Variants in U2AF2 observed in about 807,000 individuals in gnomAD.
U2AF2 encodes splicing factor U2AF 65 kDa subunit.
Under a neutral mutation model 52.6 loss-of-function variants are expected in U2AF2, and 6 were observed. The ratio of observed to expected loss-of-function variants is 0.11; its 90% CI spans 0.06 to 0.23. The LOEUF (loss-of-function observed/expected upper bound fraction) is 0.23. Among genes scored for constraint, U2AF2 ranks in the 10% least tolerant of loss-of-function variants. The probability of loss-of-function intolerance (pLI) is 1.00; values close to 1 mark genes in which losing one functional copy is unlikely to be tolerated. For synonymous variants in U2AF2, 284 were observed against 258.2 expected (o/e 1.10, Z -0.96); for missense variants, 222 against 677.1 (o/e 0.33, Z 7.46).
At chr19:55,663,075 G>A (rs943657843) in intron 6 of U2AF2, among the ~76,000 whole-genome samples, 1 of 151,920 alleles carries the variant, frequency 6.6e-6, no homozygotes, top group Non-Finnish European at 1.5e-5. Flanking sequence ...TTTGATTTTC[G>A]ACTCTTGGTG....
chr19:55,672,592 C>T (rs904698049), intron 11 of U2AF2, among the ~76,000 whole-genome samples: 3 of 152,180 alleles, frequency 2.0e-5, no homozygotes, highest in African/African-American at 7.2e-5. Flanking sequence ...CACCCCCCCT[C>T]CTCCAGTTGA....
chr19:55,669,904 C>G (rs1305301561), intron 11 of U2AF2, among the ~76,000 whole-genome samples: 1 of 152,132 alleles, frequency 6.6e-6, no homozygotes, highest in East Asian at 1.9e-4. Flanking sequence ...GTTGGTGACC[C>G]TGAGGGGTTT....
At chr19:55,672,617 A>G (rs1984990848) in intron 11 of U2AF2, among the ~76,000 whole-genome samples, 1 of 152,134 alleles carries the variant, frequency 6.6e-6, no homozygotes, top group Non-Finnish European at 1.5e-5. Context: ...CACTGCTCTA[A>G]CCAGATAACC....
rs367695916 is a variant in U2AF2, at chr19:55,663,589, C to T, written c.604-17C>T. 97 of 1,612,036 alleles carry T rather than the reference C, an allele frequency of 6.0e-5. No homozygotes were observed. Among genetic ancestry groups the T allele is most frequent in the Non-Finnish European group, 1.0e-5 (12 of 1,178,490 alleles). The stretch of plus-strand genomic sequence containing the variant: ...CCCTGACCCCCATCCCTCACCACTC[C>T]TTTCTCTTTCATTCAGTTCCGCTCA... On this transcript the variant is annotated splice_polypyrimidine_tract_variant and intron_variant, in intron 6 of 11. Coordinates refer to ENST00000308924, the MANE Select transcript of U2AF2 (RefSeq NM_007279.3).
intron 7 of U2AF2, among the ~76,000 whole-genome samples, chr19:55,666,092 G>C (rs1166786553): frequency 6.6e-6 from 1 of 152,222 alleles, no homozygotes; most frequent in African/African-American, 2.4e-5. Flanking sequence ...AGGCTGAGGA[G>C]CTTGACTCTT....
In U2AF2 at chr19:55,663,546, A is replaced by G. The variant is rs747307345; in HGVS notation, c.604-60A>G. 6.4e-6 allele frequency: 10 copies of G among 1,567,732 alleles called. No individual in the cohort carries two copies. In the East Asian group the frequency reaches 1.6e-4, roughly 25 times the overall value. On this transcript the variant is annotated intron_variant, in intron 6 of 11. Coordinates refer to ENST00000308924, the MANE Select transcript of U2AF2 (RefSeq NM_007279.3). ...AAAGAGGAAATCCCAATCCTGGAAC[A>G]CTAGGGGCTGTACTAGTCCCTGACC...
chr19:55,666,130 GGCTGA>G (rs1984536428), intron 7 of U2AF2, among the ~76,000 whole-genome samples: 1 of 152,324 alleles, frequency 6.6e-6, no homozygotes, highest in South Asian at 2.1e-4. Context: ...CTCTGGCAGG[GGCTGA>G]GCTGAGGGCA....
rs1983996638 is a variant in U2AF2, at chr19:55,659,254, T to C, written c.94T>C (p.Ser32Pro). The change falls in exon 2 of 12, where the codon TCT (serine) becomes CCT (proline). Residue 32 changes from serine (S) to proline (P), a missense_variant. Around this residue, in one of 4 missense-constraint regions of U2AF2, gnomAD observed 100 missense variants for 144.1 expected, o/e 0.69. Coordinates refer to ENST00000308924, the MANE Select transcript of U2AF2 (RefSeq NM_007279.3). ...NRHRKRSHSR[S>P]RSRDRKRRSR... The stretch of plus-strand genomic sequence containing the variant: ...GCATCGGAAGCGCAGCCACAGCCGC[T>C]CTCGGAGCCGGGACCGCAAACGCCG... 6.2e-7 allele frequency: 1 copy of C among 1,602,460 alleles called. No homozygotes were observed. Among genetic ancestry groups the C allele is most frequent in the Admixed American group, 1.7e-5 (1 of 59,252 alleles).
At chr19:55,665,140 G>A (rs1303602219) in intron 7 of U2AF2, among the ~76,000 whole-genome samples, 2 of 152,212 alleles carry the variant, frequency 1.3e-5, no homozygotes, top group Non-Finnish European at 1.5e-5. Flanking sequence ...CGATCAAGCT[G>A]CAGAATGTCT....
rs756626735 is a variant in U2AF2 at position 55,661,030 on chromosome 19, C to T, written c.335-8C>T. 1.8e-5 allele frequency: 28 copies of T among 1,574,554 alleles called. 1 individual carries two copies. The South Asian group carries it at 2.9e-4, about 16-fold the overall frequency. On this transcript the variant is annotated splice_region_variant and splice_polypyrimidine_tract_variant and intron_variant, in intron 4 of 11. Transcript: ENST00000308924. ...TGGGGTTTTATCCGGCTTTTATTCCCTTTGAAGCTGCGGGTCAGATTCCAG... is the reference window on the plus strand; with the variant it reads ...TGGGGTTTTATCCGGCTTTTATTCCTTTTGAAGCTGCGGGTCAGATTCCAG...
intron 1 of U2AF2, among the ~76,000 whole-genome samples, chr19:55,658,669 G>C (rs1281108242): frequency 6.6e-6 from 1 of 152,132 alleles, no homozygotes; most frequent in African/African-American, 2.4e-5. Context: ...AAGGGTGCTT[G>C]CTTCTGCATT....
At chr19:55,671,039 C>A (rs1033626198) in intron 11 of U2AF2, among the ~76,000 whole-genome samples, 1 of 152,138 alleles carries the variant, frequency 6.6e-6, no homozygotes, top group African/African-American at 2.4e-5. Flanking sequence ...GCGTGGGGGC[C>A]TTCTTATGTC....
At chr19:55,663,108 T>A (rs1984322860) in intron 6 of U2AF2, among the ~76,000 whole-genome samples, 1 of 152,158 alleles carries the variant, frequency 6.6e-6, no homozygotes, top group South Asian at 2.1e-4. Flanking sequence ...TCATGAAGTA[T>A]TGTGAAGGTG....
At chr19:55,670,194 G>A (rs1984804483) in intron 11 of U2AF2, among the ~76,000 whole-genome samples, 1 of 151,978 alleles carries the variant, frequency 6.6e-6, no homozygotes, top group South Asian at 2.1e-4. Flanking sequence ...CACAGCGGGG[G>A]TGGCTCACAC....
chr19:55,665,842 T>A (rs1984515519), intron 7 of U2AF2, among the ~76,000 whole-genome samples: 1 of 152,108 alleles, frequency 6.6e-6, no homozygotes. Context: ...AGAGATGGGG[T>A]TTCACCATGT....
intron 11 of U2AF2, chr19:55,670,682 A>G (rs1600084555): frequency 4.3e-6 from 1 of 230,118 alleles, no homozygotes; most frequent in South Asian, 4.7e-5. Context: ...TGGTGGGGCC[A>G]GGGCTGAGTG....
chr19:55,660,976 T>G, intron 4 of U2AF2, 62 bp from the exon 5 acceptor site: 2 of 1,521,372 alleles, frequency 1.3e-6, no homozygotes, highest in Non-Finnish European at 1.8e-6. Context: ...CAGTGTGTGG[T>G]GAGGGGTGGT....
Position 55,669,466 on chromosome 19 carries a change from T to C in U2AF2, c.1067T>C (p.Val356Ala). 6.2e-7 allele frequency: 1 copy of C among 1,611,656 alleles called. No homozygotes were observed. Among genetic ancestry groups the C allele is most frequent in the Non-Finnish European group, 8.5e-7 (1 of 1,178,404 alleles). ...CAGAGCACCATCAATCAGACGCCTGTGACCCTGCAAGTGCCGGGCTTGATG... is the reference window on the plus strand; with the variant it reads ...CAGAGCACCATCAATCAGACGCCTGCGACCCTGCAAGTGCCGGGCTTGATG... ...SPPSTINQTP[V>A]TLQVPGLMSS... Residue 356 changes from valine to alanine, a missense_variant, in exon 11 of 12, where the codon GTG becomes GCG. Transcript: ENST00000308924.
At chr19:55,655,968 T>C (rs1259688046) in intron 1 of U2AF2, among the ~76,000 whole-genome samples, 1 of 151,972 alleles carries the variant, frequency 6.6e-6, no homozygotes, top group South Asian at 2.1e-4. Context: ...CAGTCTCAGA[T>C]CTCAATATAG....
Sources: allele counts gnomAD v4.1 joint callset (sites outside exome capture counted in the v4.1 genomes callset), GRCh38; gene constraint gnomAD v4.1.1; regional missense constraint gnomAD v4.1.1; transcripts MANE v1.5; gene names NCBI Gene and HGNC (gene_info 2026-07-23, HGNC 2026-07-21).